The following ZNF367 variants were observed in gnomAD, a reference collection of about 807,000 sequenced individuals.
The protein encoded by ZNF367 is zinc finger protein 367.
ZNF367 carries 11 observed loss-of-function variants against 31.8 expected under a neutral mutation model. The ratio of observed to expected loss-of-function variants is 0.35; its 90% confidence interval spans 0.22 to 0.57. The LOEUF (loss-of-function observed/expected upper bound fraction) is 0.57. ZNF367 is among the 20% of genes least tolerant of loss of function. ZNF367 has a pLI of 0.85. For synonymous variants in ZNF367, 199 were observed against 202.4 expected, an observed-to-expected ratio of 0.98 and a Z score of 0.14; for missense variants, 353 against 484.1, an observed-to-expected ratio of 0.73 and a Z score of 2.54.
At chr9:96,415,156 G>C (rs1346684878) in intron 1 of ZNF367, among the ~76,000 whole-genome samples, 1 of 148,232 alleles carries the variant, frequency 6.7e-6, no homozygotes, top group African/African-American at 2.5e-5. Context: ...CCGGGTTCAC[G>C]CCATTCTCCT....
At chr9:96,389,750 G>A (rs1174788122) in intron 4 of ZNF367, among the ~76,000 whole-genome samples, 1 of 151,734 alleles carries the variant, frequency 6.6e-6, no homozygotes, top group Non-Finnish European at 1.5e-5. Flanking sequence ...TATTTTTCGA[G>A]ACAGAGTCTC....
intron 1 of ZNF367, among the ~76,000 whole-genome samples, chr9:96,405,746 T>C (rs960181717): frequency 6.6e-6 from 1 of 152,168 alleles, no homozygotes; most frequent in African/African-American, 2.4e-5. Flanking sequence ...AATAGGTAAA[T>C]CCATAGAGAC....
chr9:96,403,481 C>CT (rs906657659), intron 1 of ZNF367, among the ~76,000 whole-genome samples: 5 of 150,926 alleles, frequency 3.3e-5, no homozygotes, highest in South Asian at 4.2e-4. Context: ...GGTTTTTTTT[C>CT]TTTTTTTTTC....
chr9:96,417,928 G>C lies in ZNF367; in HGVS notation c.105C>G (p.Ile35Met). 1 of 1,517,302 alleles carries C rather than the reference G, an allele frequency of 6.6e-7. No individual in the cohort carries two copies. The highest frequency in any genetic ancestry group is 8.8e-7 in the Non-Finnish European group (1 of 1,140,586). 94.0% of individuals were successfully genotyped at this position (1,517,302 alleles called of 1,614,324 possible). A position where few individuals can be genotyped will look rare whatever the true frequency, so the allele number is the denominator to read the frequency against. Residue 35 changes from isoleucine to methionine, a missense_variant, in exon 1 of 5, where the codon ATC (isoleucine) becomes ATG (methionine). By Grantham distance (10) the Ile-to-Met change is conservative (BLOSUM62 1). Around this residue, in one of 5 missense-constraint regions of ZNF367, gnomAD observed 94 missense variants for 86.7 expected, o/e 1.08. Transcript: ENST00000375256. This position sits in a 1 kb window ranked among gnomAD's most constrained non-coding sequence, Gnocchi z 5.0. ...DSPKRVLVSV[I>M]RTTPIKPTCG... Reference sequence around the variant, plus strand: ...ACGTTGGCTTGATCGGGGTCGTCCTGATGACCGACACCAGCACCCGCTTCG... The same window carrying C: ...ACGTTGGCTTGATCGGGGTCGTCCTCATGACCGACACCAGCACCCGCTTCG...
Position 96,418,043 on chromosome 9 carries a change from G to A in ZNF367, c.-11C>T, listed in dbSNP as rs896295126. ...GAAGCCCCGGATCATCGCCCGGCCCGACCCCCAGCTCCGGCGGCCCCGGGC... is the reference window on the plus strand; with the variant it reads ...GAAGCCCCGGATCATCGCCCGGCCCAACCCCCAGCTCCGGCGGCCCCGGGC... On this transcript the variant is annotated 5_prime_UTR_variant, in exon 1 of 5. Transcript: ENST00000375256. 2.9e-5 allele frequency: 39 copies of A among 1,360,446 alleles called. No homozygotes were observed. In the African/African-American group the frequency reaches 5.5e-4, roughly 19 times the overall value. 84.3% of individuals were successfully genotyped at this position (1,360,446 alleles called of 1,614,324 possible). A position where few individuals can be genotyped will look rare whatever the true frequency, so the allele number is the denominator to read the frequency against.
intron 4 of ZNF367, among the ~76,000 whole-genome samples, chr9:96,388,769 C>T (rs1831434935): frequency 1.3e-5 from 2 of 152,162 alleles, no homozygotes; most frequent in Non-Finnish European, 2.9e-5. Flanking sequence ...GAGTAAAATA[C>T]AGAAATAGTA....
rs1183517532 is a variant in ZNF367, at chr9:96,417,763, G to GGCGGCCCCC, written c.261_269dup (p.Gly88_Ala90dup). 3.2e-6 allele frequency: 4 copies of GGCGGCCCCC among 1,238,322 alleles called. No individual in the cohort carries two copies. Among genetic ancestry groups the GGCGGCCCCC allele is most frequent in the South Asian group, 3.9e-5 (1 of 25,842 alleles). 76.7% of individuals were successfully genotyped at this position (1,238,322 alleles called of 1,614,324 possible). A position where few individuals can be genotyped will look rare whatever the true frequency, so the allele number is the denominator to read the frequency against. On this transcript the variant is annotated inframe_insertion, in exon 1 of 5. Transcript: ENST00000375256. This position sits in a 1 kb window ranked among gnomAD's most constrained non-coding sequence, Gnocchi z 5.0. ...CGGCTGCAGGCAGGGCGGCCGAGGC[G>GGCGGCCCCC]GCGGCCCCCGCGGCCCCAGGGCTGA... is the stretch of plus-strand genomic sequence containing the variant.
At position 96,386,236 on chromosome 9, in the gene ZNF367, A is replaced by T. The variant is rs1449913323; in HGVS notation, c.*2001T>A. On this transcript the variant is annotated 3_prime_UTR_variant, in exon 5 of 5. Coordinates refer to ENST00000375256, the MANE Select transcript of ZNF367 (RefSeq NM_153695.4). ...ATTATACAAATAAAAAATGTTTATG[A>T]AAAAACTATTAGAGTTGACAAAAGC... 6.6e-6 allele frequency: 1 copy of T among 152,210 alleles called. No individual in the cohort carries two copies. 9.4% of individuals were successfully genotyped at this position (152,210 alleles called of 1,614,324 possible). A position where few individuals can be genotyped will look rare whatever the true frequency, so the allele number is the denominator to read the frequency against.
chr9:96,416,437 T>C (rs1831832155), intron 1 of ZNF367, among the ~76,000 whole-genome samples: 1 of 152,220 alleles, frequency 6.6e-6, no homozygotes, highest in Admixed American at 6.5e-5. Flanking sequence ...AGAGCTGAAG[T>C]GTATAAAAAC....
At chr9:96,410,258 CAA>C (rs1043024078) in intron 1 of ZNF367, among the ~76,000 whole-genome samples, 1 of 110,656 alleles carries the variant, frequency 9.0e-6, no homozygotes, top group Non-Finnish European at 1.8e-5. Flanking sequence ...AACTCTGTCT[CAA>C]AAAAAAAAGC....
chr9:96,410,621 A>G (rs1485327682), intron 1 of ZNF367, among the ~76,000 whole-genome samples: 1 of 151,178 alleles, frequency 6.6e-6, no homozygotes, highest in African/African-American at 2.4e-5. Flanking sequence ...CACGCCTGTA[A>G]TCCCAACACT....
intron 4 of ZNF367, among the ~76,000 whole-genome samples, chr9:96,391,277 A>C (rs141473802): frequency 0.012 from 1,896 of 152,330 alleles, 42 homozygotes; most frequent in African/African-American, 0.043. Context: ...TAAAATAAAC[A>C]AATAAATGTG....
At position 96,417,912 on chromosome 9, in the gene ZNF367, T is replaced by G; in HGVS notation, c.121A>C (p.Lys41Gln). ...TCCCCTCCACCGCCGCACGTTGGCT[T>G]GATCGGGGTCGTCCTGATGACCGAC... is the stretch of plus-strand genomic sequence containing the variant. ...LVSVIRTTPI[K>Q]PTCGGGGEPE... The change falls in exon 1 of 5, where the codon AAG becomes CAG. Residue 41 changes from lysine (K) to glutamine (Q), a missense_variant. Around this residue, in one of 5 missense-constraint regions of ZNF367, gnomAD observed 94 missense variants for 86.7 expected, o/e 1.08. Coordinates refer to ENST00000375256, the MANE Select transcript of ZNF367 (RefSeq NM_153695.4). This position sits in a 1 kb window ranked among gnomAD's most constrained non-coding sequence, Gnocchi z 5.0. 6.5e-7 allele frequency: 1 copy of G among 1,529,500 alleles called. No individual in the cohort carries two copies. Among genetic ancestry groups the G allele is most frequent in the Non-Finnish European group, 8.7e-7 (1 of 1,147,798 alleles). 94.7% of individuals were successfully genotyped at this position (1,529,500 alleles called of 1,614,324 possible).
intron 1 of ZNF367, among the ~76,000 whole-genome samples, chr9:96,409,541 G>T (rs1186360210): frequency 6.6e-6 from 1 of 152,186 alleles, no homozygotes; most frequent in Non-Finnish European, 1.5e-5. Context: ...ATCTGTTGAT[G>T]AAACAAAAAG....
chr9:96,410,750 C>A (rs1831737146), intron 1 of ZNF367, among the ~76,000 whole-genome samples: 1 of 149,290 alleles, frequency 6.7e-6, no homozygotes, highest in African/African-American at 2.5e-5. Context: ...TGGTGGCACG[C>A]GCCTATAGTC....
In ZNF367 at chr9:96,418,219, C is replaced by G; in HGVS notation, c.-187G>C. 1.2e-6 allele frequency: 1 copy of G among 852,886 alleles called. No individual in the cohort carries two copies. The highest frequency in any genetic ancestry group is 1.6e-6 in the Non-Finnish European group (1 of 639,114). 52.8% of individuals were successfully genotyped at this position (852,886 alleles called of 1,614,324 possible). ...GACGGCACCGGCGGGCAGGGCTGGA[C>G]CCCAGCCCCAGGTCAAGCGCGCCCT... On this transcript the variant is annotated 5_prime_UTR_variant, in exon 1 of 5. Coordinates refer to ENST00000375256, the MANE Select transcript of ZNF367 (RefSeq NM_153695.4).
At chr9:96,407,223 C>T in intron 1 of ZNF367, 4 of 859,896 alleles carry the variant, frequency 4.7e-6, no homozygotes, top group South Asian at 4.5e-5. Flanking sequence ...CTTTGAGACC[C>T]GAAAATTGAG....
intron 1 of ZNF367, among the ~76,000 whole-genome samples, chr9:96,401,601 G>A (rs1357030585): frequency 3.4e-5 from 5 of 146,938 alleles, no homozygotes; most frequent in African/African-American, 1.3e-4. Flanking sequence ...AGGTTGCGGT[G>A]AGCCAAGATC....
At chr9:96,404,649 G>C (rs986831245) in intron 1 of ZNF367, among the ~76,000 whole-genome samples, 14 of 148,522 alleles carry the variant, frequency 9.4e-5, no homozygotes, top group Non-Finnish European at 1.8e-4. Context: ...AAAAAAAAAA[G>C]ACTGTAATGC....
Sources: allele counts gnomAD v4.1 joint callset (sites outside exome capture counted in the v4.1 genomes callset), GRCh38; gene constraint gnomAD v4.1.1; regional missense constraint gnomAD v4.1.1; non-coding constraint Gnocchi (gnomAD v3.1); transcripts MANE v1.5; gene names NCBI Gene and HGNC (gene_info 2026-07-23, HGNC 2026-07-21).